Variants in ATRNL1 observed in about 807,000 individuals in gnomAD.
The protein encoded by ATRNL1 is attractin like 1.
Under a neutral mutation model 182.7 loss-of-function variants are expected in ATRNL1, and 95 were observed. The observed-to-expected ratio is 0.52, with a 90% CI of 0.44 to 0.62. The LOEUF is 0.62. ATRNL1 is among the 20% of genes least tolerant of loss of function. The pLI, the probability that ATRNL1 is intolerant of heterozygous loss-of-function variation, is 0.00. For synonymous variants in ATRNL1, 576 were observed against 568.3 expected (o/e 1.01, Z -0.19); for missense variants, 1,471 against 1,679.5 (o/e 0.88, Z 2.17).
At chr10:115,531,558 T>C (rs1400002119) in intron 25 of ATRNL1, among the ~76,000 whole-genome samples, 3 of 150,618 alleles carry the variant, frequency 2.0e-5, no homozygotes, top group African/African-American at 7.3e-5. Context: ...GTTGTGAAAA[T>C]TTTCTCCCAT....
At chr10:115,281,558 A>G (rs1852362581) in intron 14 of ATRNL1, 71 bp downstream of exon 14, 1 of 1,433,244 alleles carries the variant, frequency 7.0e-7, no homozygotes, top group Non-Finnish European at 9.6e-7. Context: ...AAGTACATTT[A>G]GTAAGGACAC....
At chr10:115,180,143 CCTTT>C (rs1232948146) in intron 8 of ATRNL1, among the ~76,000 whole-genome samples, 1 of 151,546 alleles carries the variant, frequency 6.6e-6, no homozygotes, top group African/African-American at 2.4e-5. Flanking sequence ...TTGCTGTATT[CCTTT>C]AAGTTTTCTC....
intron 27 of ATRNL1, among the ~76,000 whole-genome samples, chr10:115,732,090 C>A (rs2134074184): frequency 6.6e-6 from 1 of 152,168 alleles, no homozygotes; most frequent in East Asian, 1.9e-4. Context: ...GAGTTGTTTT[C>A]ACCTTTTGGA....
intron 9 of ATRNL1, among the ~76,000 whole-genome samples, chr10:115,218,934 T>C (rs1554896793): frequency 6.6e-6 from 1 of 152,106 alleles, no homozygotes; most frequent in Non-Finnish European, 1.5e-5. Context: ...ACCTCACTTC[T>C]GTGTATAAGA....
chr10:115,117,737 G>A (rs1244010488), intron 1 of ATRNL1, among the ~76,000 whole-genome samples: 2 of 151,880 alleles, frequency 1.3e-5, no homozygotes, highest in South Asian at 2.1e-4. Context: ...TTGCTGAATC[G>A]TATGGTAGCT....
At chr10:115,910,907 G>A (rs1391814650) in intron 28 of ATRNL1, among the ~76,000 whole-genome samples, 9 of 152,110 alleles carry the variant, frequency 5.9e-5, no homozygotes, top group East Asian at 1.9e-4. Context: ...CTGACATTTC[G>A]TTTTTTGCTT....
chr10:115,166,330 A>G (rs919566763), intron 7 of ATRNL1, among the ~76,000 whole-genome samples: 5 of 152,070 alleles, frequency 3.3e-5, no homozygotes, highest in Non-Finnish European at 7.4e-5. Context: ...GATAGCTTCC[A>G]TCTTTTGGCC....
In ATRNL1 at chr10:115,944,760, G is replaced by A. The variant is rs182259056; in HGVS notation, c.4121G>A (p.Arg1374His). The A allele has an allele frequency of 1.9e-6, 3 of 1,613,214 alleles. No individual in the cohort carries two copies. The highest frequency in any genetic ancestry group is 4.5e-5 in the East Asian group (2 of 44,860). ...GVRNRKHLST[R>H]QGTCV ...CGGAATCGAAAACACCTTTCAACAC[G>A]TCAAGGAACTTGTGTCTGAGAAATG... The change falls in exon 29 of 29, where the codon CGT becomes CAT. Residue 1374 changes from arginine (R) to histidine (H), a missense_variant. Around this residue, in one of 3 missense-constraint regions of ATRNL1, gnomAD observed 437 missense variants for 506.0 expected, o/e 0.86. Transcript: ENST00000355044.
chr10:115,200,750 G>A (rs1478207752), intron 8 of ATRNL1, among the ~76,000 whole-genome samples: 4 of 139,222 alleles, frequency 2.9e-5, no homozygotes, highest in African/African-American at 1.1e-4. Flanking sequence ...CCCAGTAATG[G>A]GATGGCTGGG....
intron 21 of ATRNL1, among the ~76,000 whole-genome samples, chr10:115,461,323 G>T (rs1320097226): frequency 6.6e-6 from 1 of 152,012 alleles, no homozygotes; most frequent in African/African-American, 2.4e-5. Flanking sequence ...CCAGCATTAT[G>T]TATGGACAAA....
intron 25 of ATRNL1, among the ~76,000 whole-genome samples, chr10:115,527,129 TTC>T (rs199985679): frequency 0.095 from 11,560 of 122,118 alleles, 865 homozygotes; most frequent in African/African-American, 0.22. Context: ...TTTTTTTTTT[TTC>T]CCCCCCGAGA....
At chr10:115,445,060 G>A (rs1846892634) in intron 21 of ATRNL1, among the ~76,000 whole-genome samples, 1 of 151,908 alleles carries the variant, frequency 6.6e-6, no homozygotes, top group Non-Finnish European at 1.5e-5. Flanking sequence ...GTTCTTGAAT[G>A]GGGACAGCAT....
At chr10:115,255,458 G>A (rs1851081297) in intron 10 of ATRNL1, among the ~76,000 whole-genome samples, 1 of 152,136 alleles carries the variant, frequency 6.6e-6, no homozygotes, top group Non-Finnish European at 1.5e-5. Flanking sequence ...TGGTGTATAG[G>A]AATGTTTGTG....
At chr10:115,562,960 G>T (rs1422423157) in intron 26 of ATRNL1, among the ~76,000 whole-genome samples, 1 of 152,092 alleles carries the variant, frequency 6.6e-6, no homozygotes, top group Non-Finnish European at 1.5e-5. Flanking sequence ...TTTTGAAAAA[G>T]AACAAATTTA....
At chr10:115,817,682 T>G (rs1273359816) in intron 27 of ATRNL1, among the ~76,000 whole-genome samples, 1 of 152,010 alleles carries the variant, frequency 6.6e-6, no homozygotes, top group Non-Finnish European at 1.5e-5. Flanking sequence ...AATCACCTCT[T>G]ATACAAGAAG....
rs782214027 is a variant in ATRNL1 at position 115,758,689 on chromosome 10, G to C, written c.3903+31334G>C. 3.9e-5 allele frequency among the ~76,000 whole-genome samples: 6 copies of C among 152,346 alleles called. No individual in the cohort carries two copies. The East Asian group carries it at 5.8e-4, about 15-fold the overall frequency. ...GAGAACCGCTGCTCTCTTCAGAGCC[G>C]TCAGGCAGGGACATTTAAATCACTG... On this transcript the variant is annotated intron_variant, in intron 27 of 28. Transcript: ENST00000355044.
intron 19 of ATRNL1, among the ~76,000 whole-genome samples, chr10:115,388,870 G>A (rs914834875): frequency 2.0e-5 from 3 of 152,000 alleles, no homozygotes; most frequent in Admixed American, 6.6e-5. Flanking sequence ...GGGGTAAAAT[G>A]TGGCATTTAC....
intron 26 of ATRNL1, among the ~76,000 whole-genome samples, chr10:115,581,477 G>T (rs1016398228): frequency 2.0e-5 from 3 of 152,042 alleles, no homozygotes; most frequent in Non-Finnish European, 4.4e-5. Context: ...TGATCTAGAT[G>T]CATAGTTATT....
intron 3 of ATRNL1, among the ~76,000 whole-genome samples, chr10:115,124,597 C>T (rs1036197062): frequency 6.6e-6 from 1 of 152,198 alleles, no homozygotes; most frequent in African/African-American, 2.4e-5. Context: ...ATCCCCTTCT[C>T]TCTCGGGAAG....
Sources: allele counts gnomAD v4.1 joint callset (sites outside exome capture counted in the v4.1 genomes callset), GRCh38; gene constraint gnomAD v4.1.1; regional missense constraint gnomAD v4.1.1; transcripts MANE v1.5; gene names NCBI Gene and HGNC (gene_info 2026-07-23, HGNC 2026-07-21).